CNTNAP2: variants seen among roughly 807,000 people sequenced by gnomAD.
CNTNAP2 encodes the protein contactin associated protein 2.
CNTNAP2 carries 98 observed loss-of-function variants against 155.2 expected under a neutral mutation model. That is an observed-to-expected ratio of 0.63 (90% CI 0.54 to 0.75). The LOEUF is 0.75. Ranked by LOEUF, CNTNAP2 falls within the 30% of genes least tolerant of loss-of-function variation. The pLI is 0.00. For missense variants in CNTNAP2, 1,727 were observed against 1,688.1 expected, an observed-to-expected ratio of 1.02 and a Z score of -0.40; for synonymous variants, 651 against 631.2, an observed-to-expected ratio of 1.03 and a Z score of -0.47.
intron 21 of CNTNAP2, among the ~76,000 whole-genome samples, chr7:148,292,089 C>T (rs1585247474): frequency 6.6e-6 from 1 of 152,134 alleles, no homozygotes; most frequent in East Asian, 1.9e-4. Context: ...AACCAGGAAA[C>T]CCCAAAAGCA....
chr7:147,195,588 T>G (rs1312640977), intron 8 of CNTNAP2, among the ~76,000 whole-genome samples: 1 of 152,170 alleles, frequency 6.6e-6, no homozygotes, highest in Non-Finnish European at 1.5e-5. Flanking sequence ...TCCTCTCTTA[T>G]TTTCTTGAAA....
intron 1 of CNTNAP2, among the ~76,000 whole-genome samples, chr7:146,146,146 A>G (rs986021040): frequency 6.6e-6 from 1 of 152,156 alleles, no homozygotes; most frequent in African/African-American, 2.4e-5. Flanking sequence ...CTCTGTAGTA[A>G]TTTATTTTTT....
intron 11 of CNTNAP2, chr7:147,497,047 C>A (rs1248765415): frequency 6.6e-6 from 1 of 152,074 alleles, no homozygotes; most frequent in African/African-American, 2.4e-5. Flanking sequence ...GCAGCCGTTT[C>A]CAAGAAAATT....
At chr7:146,218,658 C>T (rs1332109281) in intron 1 of CNTNAP2, among the ~76,000 whole-genome samples, 1 of 152,050 alleles carries the variant, frequency 6.6e-6, no homozygotes, top group Non-Finnish European at 1.5e-5. Context: ...TGCTGACAAC[C>T]AAGTCCTCCA....
At chr7:147,518,052 G>T (rs776527961) in intron 11 of CNTNAP2, among the ~76,000 whole-genome samples, 1 of 152,048 alleles carries the variant, frequency 6.6e-6, no homozygotes, top group Non-Finnish European at 1.5e-5. Flanking sequence ...CCACCTCACC[G>T]TGTCTGTTTT....
chr7:148,228,566 G>A (rs1194602599), intron 19 of CNTNAP2, among the ~76,000 whole-genome samples: 3 of 152,150 alleles, frequency 2.0e-5, no homozygotes, highest in Non-Finnish European at 2.9e-5. Context: ...GCTCACGCCT[G>A]TAATCCCAGC....
At position 147,977,869 on chromosome 7, in the gene CNTNAP2, G is replaced by T. The variant is rs547761699; in HGVS notation, c.2263G>T (p.Asp755Tyr). 6.2e-7 allele frequency: 1 copy of T among 1,614,102 alleles called. No homozygotes were observed. Among genetic ancestry groups the T allele is most frequent in the African/African-American group, 1.3e-5 (1 of 75,030 alleles). Residue 755 changes from aspartate to tyrosine, a missense_variant, in exon 15 of 24, where the codon GAT becomes TAT. Coordinates refer to ENST00000361727, the MANE Select transcript of CNTNAP2 (RefSeq NM_014141.6). ...TCTTTCCCTGTGATCCAGGAGGAAG[G>T]ATGCTGGTTTCTTATCATACAAAGA... The part of the protein sequence containing the change: ...CDADYKQWRK[D>Y]AGFLSYKDHL...
intron 11 of CNTNAP2, among the ~76,000 whole-genome samples, chr7:147,523,419 C>T (rs1242848959): frequency 6.6e-6 from 1 of 152,154 alleles, no homozygotes; most frequent in Admixed American, 6.5e-5. Context: ...TCTTTGGAAG[C>T]AAGTCACTAG....
At chr7:146,797,759 C>A (rs184522437) in intron 2 of CNTNAP2, among the ~76,000 whole-genome samples, 1 of 152,178 alleles carries the variant, frequency 6.6e-6, no homozygotes, top group South Asian at 2.1e-4. Flanking sequence ...CACTAAGATA[C>A]GTCCTGGCAG....
chr7:147,369,640 C>T (rs890363509), intron 9 of CNTNAP2, among the ~76,000 whole-genome samples: 4 of 152,180 alleles, frequency 2.6e-5, no homozygotes, highest in African/African-American at 7.2e-5. Flanking sequence ...CATTGTAGCA[C>T]AGAAGCAGTC....
At chr7:148,307,011 G>C (rs147198827) in intron 21 of CNTNAP2, among the ~76,000 whole-genome samples, 1 of 152,090 alleles carries the variant, frequency 6.6e-6, no homozygotes, top group Non-Finnish European at 1.5e-5. Flanking sequence ...TTTTGTCTTG[G>C]GCTGATTGAA....
chr7:146,782,827 C>T (rs532574605), intron 2 of CNTNAP2, among the ~76,000 whole-genome samples: 1 of 152,254 alleles, frequency 6.6e-6, no homozygotes, highest in Admixed American at 6.5e-5. Flanking sequence ...CTCCCAGCTT[C>T]TAAAAACAAC....
intron 9 of CNTNAP2, among the ~76,000 whole-genome samples, chr7:147,390,793 C>T (rs369037411): frequency 2.6e-5 from 4 of 152,104 alleles, no homozygotes; most frequent in East Asian, 3.9e-4. Flanking sequence ...CTATACAGGC[C>T]GTAAATATTA....
At chr7:146,292,034 A>C (rs1800436787) in intron 1 of CNTNAP2, among the ~76,000 whole-genome samples, 1 of 152,232 alleles carries the variant, frequency 6.6e-6, no homozygotes, top group Non-Finnish European at 1.5e-5. Flanking sequence ...AATATATAGA[A>C]AGAATACAAA....
chr7:147,666,536 C>CT (rs1795699867), intron 13 of CNTNAP2, among the ~76,000 whole-genome samples: 1 of 152,128 alleles, frequency 6.6e-6, no homozygotes, highest in African/African-American at 2.4e-5. Flanking sequence ...CTATGCTATA[C>CT]TTTAATTGTT....
intron 12 of CNTNAP2, among the ~76,000 whole-genome samples, chr7:147,616,344 A>G (rs1012062473): frequency 3.9e-5 from 6 of 152,190 alleles, no homozygotes; most frequent in Non-Finnish European, 8.8e-5. Context: ...AGCATAAATC[A>G]TTCAAGTCAC....
chr7:146,816,121 A>T (rs1803165427), intron 2 of CNTNAP2, among the ~76,000 whole-genome samples: 1 of 152,152 alleles, frequency 6.6e-6, no homozygotes. Flanking sequence ...ATAGTATTCC[A>T]TGGTGTATAT....
At chr7:146,739,388 G>C (rs1366158309) in intron 1 of CNTNAP2, among the ~76,000 whole-genome samples, 1 of 151,718 alleles carries the variant, frequency 6.6e-6, no homozygotes, top group Non-Finnish European at 1.5e-5. Context: ...AAGTTTTCAT[G>C]AACATTTTTT....
At chr7:148,077,673 G>A (rs932896837) in intron 15 of CNTNAP2, among the ~76,000 whole-genome samples, 3 of 152,136 alleles carry the variant, frequency 2.0e-5, no homozygotes, top group African/African-American at 7.2e-5. Flanking sequence ...CTAAATGGAG[G>A]CAGTACAATT....
Sources: gnomAD v4.1 joint callset for allele counts (sites outside exome capture counted in the v4.1 genomes callset) on GRCh38, gnomAD v4.1.1 for gene constraint, MANE v1.5 for transcripts, NCBI Gene and HGNC (gene_info 2026-07-23, HGNC 2026-07-21) for gene names.